Variants in VSTM2B observed in about 807,000 individuals in gnomAD.
VSTM2B encodes V-set and transmembrane domain containing 2B.
A neutral mutation model predicts 24.0 loss-of-function variants in VSTM2B; 24 were observed. That is an observed-to-expected ratio of 1.00 (90% CI 0.72 to 1.40). VSTM2B has a LOEUF of 1.40. Ranked by LOEUF, VSTM2B falls within the 40% of genes most tolerant of loss-of-function variation. The pLI is 0.00. For synonymous variants in VSTM2B, 226 were observed against 194.4 expected (o/e 1.16, Z -1.35); for missense variants, 399 against 416.4 (o/e 0.96, Z 0.36).
At chr19:29,528,885 C>G (rs1397255456) in intron 3 of VSTM2B, 1 of 983,374 alleles carries the variant, frequency 1.0e-6, no homozygotes, top group Non-Finnish European at 1.2e-6. Context: ...TCTGCGCCCT[C>G]CGCTGCAACC....
intron 4 of VSTM2B, among the ~76,000 whole-genome samples, chr19:29,541,805 ATGAG>A (rs1314292640): frequency 6.6e-6 from 1 of 151,532 alleles, no homozygotes; most frequent in Non-Finnish European, 1.5e-5. Flanking sequence ...GAATGGGTGA[ATGAG>A]TGGGAGAATG....
rs929464456 is a variant in VSTM2B at position 29,532,108 on chromosome 19, A to G, written c.769+1818A>G. Among the ~76,000 whole-genome samples, 4 of 152,272 alleles carry G rather than the reference A, an allele frequency of 2.6e-5. No homozygotes were observed. The South Asian group carries it at 8.3e-4, about 32-fold the overall frequency. The stretch of plus-strand genomic sequence containing the variant: ...TTTAGGACGGCCCTAAGTATGTATC[A>G]TTCTTGGGAGACTGAGAAAACAGCC... On this transcript the variant is annotated intron_variant, in intron 4 of 4. Coordinates refer to ENST00000335523, the MANE Select transcript of VSTM2B (RefSeq NM_001146339.2).
intron 4 of VSTM2B, among the ~76,000 whole-genome samples, chr19:29,531,953 A>G (rs1270811000): frequency 6.6e-6 from 1 of 152,262 alleles, no homozygotes; most frequent in Non-Finnish European, 1.5e-5. Context: ...CACTCTGGGC[A>G]TGACATAGAG....
chr19:29,534,280 C>T (rs970813351), intron 4 of VSTM2B, among the ~76,000 whole-genome samples: 4 of 152,202 alleles, frequency 2.6e-5, no homozygotes, highest in African/African-American at 7.2e-5. Flanking sequence ...TCCTGCCCTC[C>T]ATTCCCTGTC....
rs1300448990 is a variant in VSTM2B at position 29,526,623 on chromosome 19, C to T, written c.40C>T (p.Pro14Ser). The change falls in exon 1 of 5, where the codon CCG (proline) becomes TCG (serine). Residue 14 changes from proline (P) to serine (S), a missense_variant. Transcript: ENST00000335523. This position sits in a 1 kb window ranked among gnomAD's most constrained non-coding sequence, Gnocchi z 4.1. ...RNRLGALGYLPPLLLHALLLF... is the reference protein window; with the variant it reads ...RNRLGALGYLSPLLLHALLLF... The stretch of plus-strand genomic sequence containing the variant: ...CCGGCTCGGTGCCCTCGGATACCTG[C>T]CGCCTCTGCTGCTGCATGCCCTGCT... 1.3e-6 allele frequency: 2 copies of T among 1,530,556 alleles called. No homozygotes were observed. The highest frequency in any genetic ancestry group is 2.4e-5 in the South Asian group (2 of 82,968). 94.8% of individuals were successfully genotyped at this position (1,530,556 alleles called of 1,614,324 possible). A position where few individuals can be genotyped will look rare whatever the true frequency, so the allele number is the denominator to read the frequency against.
chr19:29,534,072 G>T (rs1242681844), intron 4 of VSTM2B, among the ~76,000 whole-genome samples: 2 of 152,234 alleles, frequency 1.3e-5, no homozygotes. Flanking sequence ...TCACTGGGGG[G>T]GATGGAAAGA....
At chr19:29,533,606 G>A (rs1428013970) in intron 4 of VSTM2B, among the ~76,000 whole-genome samples, 4 of 151,868 alleles carry the variant, frequency 2.6e-5, no homozygotes, top group African/African-American at 9.7e-5. Context: ...ATGGATGGCA[G>A]ACCTGTCATT....
intron 4 of VSTM2B, among the ~76,000 whole-genome samples, chr19:29,548,699 C>T (rs1827112400): frequency 6.6e-6 from 1 of 152,172 alleles, no homozygotes; most frequent in Non-Finnish European, 1.5e-5. Flanking sequence ...CAGGGTGGGG[C>T]AGGCTCAGGA....
intron 4 of VSTM2B, among the ~76,000 whole-genome samples, chr19:29,554,247 A>T (rs1431469882): frequency 6.6e-6 from 1 of 152,244 alleles, no homozygotes; most frequent in Non-Finnish European, 1.5e-5. Context: ...CCTACAAGCC[A>T]GAAGAAACTG....
At position 29,532,296 on chromosome 19, in the gene VSTM2B, G is replaced by A. The variant is rs139635372; in HGVS notation, c.769+2006G>A. Among the ~76,000 whole-genome samples the A allele has an allele frequency of 4.4e-4, 67 of 152,312 alleles. No homozygotes were observed. In the East Asian group the frequency reaches 4.4e-3, roughly 10 times the overall value. On this transcript the variant is annotated intron_variant, in intron 4 of 4. Coordinates refer to ENST00000335523, the MANE Select transcript of VSTM2B (RefSeq NM_001146339.2). Reference sequence around the variant, plus strand: ...ATGGTCCAACATGGATGTAGGGCCCGCTGGGAAATGTAGTCCTTGGTGTGG... The same window carrying A: ...ATGGTCCAACATGGATGTAGGGCCCACTGGGAAATGTAGTCCTTGGTGTGG...
At chr19:29,563,825 C>T (rs1204912971) in intron 4 of VSTM2B, 21 bp from the exon 5 acceptor site, 4 of 1,550,648 alleles carry the variant, frequency 2.6e-6, no homozygotes, top group Non-Finnish European at 3.5e-6. Flanking sequence ...TTAACCTTGC[C>T]TGTTTTCTCA....
intron 4 of VSTM2B, among the ~76,000 whole-genome samples, chr19:29,561,883 C>T (rs1394846731): frequency 2.0e-5 from 3 of 152,204 alleles, no homozygotes; most frequent in African/African-American, 7.2e-5. Context: ...GTGACAAACG[C>T]AGGACGATTC....
chr19:29,530,198 C>A lies in VSTM2B; in HGVS notation c.677C>A (p.Thr226Lys), dbSNP rs1272340675. The A allele has an allele frequency of 2.7e-6, 4 of 1,496,966 alleles. No individual in the cohort carries two copies. The highest frequency in any genetic ancestry group is 3.5e-6 in the Non-Finnish European group (4 of 1,130,378). 92.7% of individuals were successfully genotyped at this position (1,496,966 alleles called of 1,614,324 possible). A position where few individuals can be genotyped will look rare whatever the true frequency, so the allele number is the denominator to read the frequency against. ...PEAAAASAAHTPTTTVAAAAA... is the reference protein window; with the variant it reads ...PEAAAASAAHKPTTTVAAAAA... Reference sequence around the variant, plus strand: ...GCCGCGGCAGCCTCGGCGGCCCACACGCCCACCACCACAGTCGCGGCAGCT... The same window carrying A: ...GCCGCGGCAGCCTCGGCGGCCCACAAGCCCACCACCACAGTCGCGGCAGCT... Residue 226 changes from threonine to lysine, a missense_variant, in exon 4 of 5, where the codon ACG becomes AAG. Coordinates refer to ENST00000335523, the MANE Select transcript of VSTM2B (RefSeq NM_001146339.2).
intron 3 of VSTM2B, chr19:29,529,234 G>A: frequency 3.0e-6 from 2 of 665,018 alleles, no homozygotes; most frequent in Non-Finnish European, 3.7e-6. Context: ...AGGTGGCCAG[G>A]GAGCCAGGCA....
At chr19:29,530,876 TCCTC>T (rs1969740365) in intron 4 of VSTM2B, among the ~76,000 whole-genome samples, 2 of 151,964 alleles carry the variant, frequency 1.3e-5, no homozygotes, top group Admixed American at 1.3e-4. Flanking sequence ...AAATCGCAGA[TCCTC>T]TCCCTTTGGC....
chr19:29,546,839 G>A (rs929017484), intron 4 of VSTM2B, among the ~76,000 whole-genome samples: 2 of 152,264 alleles, frequency 1.3e-5, no homozygotes, highest in Non-Finnish European at 2.9e-5. Context: ...AACTGGAGAG[G>A]AGGTGGCGGC....
chr19:29,525,605 G>C (rs144404305), upstream of VSTM2B: 7 of 152,510 alleles, frequency 4.6e-5, no homozygotes, highest in African/African-American at 1.4e-4. Flanking sequence ...CCACCCATCC[G>C]TCATGGCCCA....
At chr19:29,555,078 A>C (rs576834471) in intron 4 of VSTM2B, among the ~76,000 whole-genome samples, 5 of 152,178 alleles carry the variant, frequency 3.3e-5, no homozygotes, top group African/African-American at 4.8e-5. Context: ...ATAGCTACAG[A>C]AGTCTCCACC....
chr19:29,537,697 GCCCCCACACCCACCTACT>G, intron 4 of VSTM2B, among the ~76,000 whole-genome samples: 1 of 73,190 alleles, frequency 1.4e-5, no homozygotes, highest in African/African-American at 6.1e-5. Context: ...ACAACCACCC[GCCCCCACACCCACCTACT>G]CTCCCGCACC....
Sources: gnomAD v4.1 joint callset for allele counts (sites outside exome capture counted in the v4.1 genomes callset) on GRCh38, gnomAD v4.1.1 for gene constraint, Gnocchi (gnomAD v3.1) non-coding constraint, MANE v1.5 for transcripts, NCBI Gene and HGNC (gene_info 2026-07-23, HGNC 2026-07-21) for gene names.